Variants in CSNK1G3 observed in about 807,000 individuals in gnomAD.
CSNK1G3 encodes the protein casein kinase I isoform gamma-3.
Under a neutral mutation model 64.3 loss-of-function variants are expected in CSNK1G3, and 23 were observed. The observed-to-expected ratio is 0.36, with a 90% CI of 0.26 to 0.51. The LOEUF (loss-of-function observed/expected upper bound fraction) is 0.51, where lower values mean the gene tolerates loss of function less well. CSNK1G3 is among the 20% of genes least tolerant of loss of function. CSNK1G3 has a pLI of 0.96. For synonymous variants in CSNK1G3, 158 were observed against 162.2 expected, an observed-to-expected ratio of 0.97 and a Z score of 0.20; for missense variants, 357 against 510.5, an observed-to-expected ratio of 0.70 and a Z score of 2.90.
Position 123,591,435 on chromosome 5 carries a change from GA to G in CSNK1G3, c.1086+24del, listed in dbSNP as rs760795570. 42 of 1,506,130 alleles carry G rather than the reference GA, an allele frequency of 2.8e-5. 1 individual carries two copies. The South Asian group carries it at 4.3e-4, about 15-fold the overall frequency. 93.3% of individuals were successfully genotyped at this position (1,506,130 alleles called of 1,614,324 possible). On this transcript the variant is annotated intron_variant, in intron 10 of 12. Coordinates refer to ENST00000345990, the Ensembl canonical transcript of CSNK1G3. Reference sequence around the variant, plus strand: ...ACCAGGTTTGCTGCCCTTTAGATATGAAATACCTTCCTTTCATGATTGAAAC... The same window carrying G: ...ACCAGGTTTGCTGCCCTTTAGATATGAATACCTTCCTTTCATGATTGAAAC...
At chr5:123,518,943 A>G (rs1777631411) in intron 1 of CSNK1G3, among the ~76,000 whole-genome samples, 1 of 152,320 alleles carries the variant, frequency 6.6e-6, no homozygotes, top group Non-Finnish European at 1.5e-5. Flanking sequence ...TATTTTTAGT[A>G]TACATGGGCT....
intron 1 of CSNK1G3, among the ~76,000 whole-genome samples, chr5:123,527,158 C>T (rs926940593): frequency 1.3e-5 from 2 of 152,052 alleles, no homozygotes; most frequent in African/African-American, 4.8e-5. Flanking sequence ...TGCTATAGCT[C>T]TGTCATTTAG....
rs185253243 is a variant in CSNK1G3 at position 123,563,170 on chromosome 5, A to G, written c.289+5606A>G. On this transcript the variant is annotated intron_variant, in intron 4 of 12. Coordinates refer to ENST00000345990, the Ensembl canonical transcript of CSNK1G3. ...AATTACTACTTATCAGAGGAAGTAA[A>G]TGATCTTTTTCTCTGTCATAAATTA... Among the ~76,000 whole-genome samples the G allele has an allele frequency of 8.5e-5, 13 of 152,150 alleles. No homozygotes were observed. In the East Asian group the frequency reaches 2.5e-3, roughly 29 times the overall value.
intron 1 of CSNK1G3, among the ~76,000 whole-genome samples, chr5:123,516,203 A>G (rs1257645064): frequency 6.6e-6 from 1 of 152,162 alleles, no homozygotes; most frequent in Non-Finnish European, 1.5e-5. Flanking sequence ...GGGATCCTGT[A>G]GGTGCAGACA....
chr5:123,605,244 C>A, intron 11 of CSNK1G3, 95 bp from the exon 13 acceptor site: 2 of 1,101,260 alleles, frequency 1.8e-6, no homozygotes, highest in Admixed American at 2.5e-5. Context: ...AAAAATTAAG[C>A]ATGAAAAACA....
chr5:123,530,987 C>A (rs1006324857), intron 1 of CSNK1G3, among the ~76,000 whole-genome samples: 9 of 152,184 alleles, frequency 5.9e-5, no homozygotes, highest in Middle Eastern at 3.4e-3. Flanking sequence ...TCACAAATAT[C>A]TTTACTGATT....
chr5:123,561,756 C>T (rs1210260916), intron 4 of CSNK1G3, among the ~76,000 whole-genome samples: 1 of 152,150 alleles, frequency 6.6e-6, no homozygotes, highest in Non-Finnish European at 1.5e-5. Flanking sequence ...ACCTTCTTTT[C>T]CCCTTATTTT....
chr5:123,551,413 A>G (rs1191684616), intron 2 of CSNK1G3, among the ~76,000 whole-genome samples: 2 of 152,194 alleles, frequency 1.3e-5, no homozygotes, highest in South Asian at 2.1e-4. Context: ...GAGTATATGA[A>G]TAGAGCTTAA....
At chr5:123,554,201 C>A (rs542517264) in intron 3 of CSNK1G3, among the ~76,000 whole-genome samples, 1 of 152,234 alleles carries the variant, frequency 6.6e-6, no homozygotes, top group African/African-American at 2.4e-5. Context: ...GGTTGCAGTG[C>A]CATGAAGAGA....
chr5:123,580,745 T>C (rs957467456), intron 6 of CSNK1G3, among the ~76,000 whole-genome samples: 5 of 151,978 alleles, frequency 3.3e-5, no homozygotes, highest in Non-Finnish European at 5.9e-5. Context: ...TCTTCTCTTG[T>C]TGAAGTCATT....
At chr5:123,550,462 A>C (rs1783417547) in intron 2 of CSNK1G3, among the ~76,000 whole-genome samples, 1 of 152,204 alleles carries the variant, frequency 6.6e-6, no homozygotes, top group South Asian at 2.1e-4. Flanking sequence ...AAAGAGAGGC[A>C]GGCAATGTAG....
At chr5:123,517,087 A>T (rs1307789193) in intron 1 of CSNK1G3, among the ~76,000 whole-genome samples, 1 of 152,178 alleles carries the variant, frequency 6.6e-6, no homozygotes, top group Non-Finnish European at 1.5e-5. Context: ...GAAGTTGCCG[A>T]TAAGAATTTT....
chr5:123,541,649 C>G (rs1281753738), intron 1 of CSNK1G3, among the ~76,000 whole-genome samples: 2 of 152,144 alleles, frequency 1.3e-5, no homozygotes, highest in South Asian at 2.1e-4. Context: ...CCAGGCTGGT[C>G]TTGAACTCCT....
intron 4 of CSNK1G3, among the ~76,000 whole-genome samples, chr5:123,565,948 G>A (rs1050226973): frequency 5.3e-5 from 8 of 152,120 alleles, no homozygotes; most frequent in South Asian, 2.1e-4. Flanking sequence ...ATAACTCAAC[G>A]TAAGATTTAG....
chr5:123,594,297 G>A (rs1225608763), intron 10 of CSNK1G3, among the ~76,000 whole-genome samples: 3 of 152,066 alleles, frequency 2.0e-5, no homozygotes, highest in Non-Finnish European at 4.4e-5. Flanking sequence ...TATGATGTTT[G>A]TTATTGCCAT....
chr5:123,614,102 A>C (rs1749028025), intron 12 of CSNK1G3, among the ~76,000 whole-genome samples: 2 of 152,202 alleles, frequency 1.3e-5, no homozygotes, highest in Non-Finnish European at 2.9e-5. Context: ...AACCTTTTGA[A>C]TTTAATGGCT....
intron 1 of CSNK1G3, among the ~76,000 whole-genome samples, chr5:123,540,688 A>AGT (rs1053440564): frequency 2.0e-5 from 3 of 152,168 alleles, no homozygotes; most frequent in Non-Finnish European, 4.4e-5. Context: ...GCTGCAGTGC[A>AGT]GTGACATGAT....
chr5:123,533,512 C>G (rs917689639), intron 1 of CSNK1G3, among the ~76,000 whole-genome samples: 1 of 151,082 alleles, frequency 6.6e-6, no homozygotes, highest in Admixed American at 6.6e-5. Context: ...ATTTCTTTTT[C>G]TTAATTTTCT....
At chr5:123,562,064 CT>C (rs1269617774) in intron 4 of CSNK1G3, among the ~76,000 whole-genome samples, 2 of 152,140 alleles carry the variant, frequency 1.3e-5, no homozygotes, top group Non-Finnish European at 2.9e-5. Context: ...ATTCGTTTCT[CT>C]TTCTACTGAC....
Sources: allele counts gnomAD v4.1 joint callset (sites outside exome capture counted in the v4.1 genomes callset), GRCh38; gene constraint gnomAD v4.1.1; transcripts MANE v1.5; gene names NCBI Gene and HGNC (gene_info 2026-07-23, HGNC 2026-07-21).